Variants in ARHGAP24 observed in about 807,000 individuals in gnomAD.
ARHGAP24 encodes the protein rho GTPase-activating protein 24.
In ARHGAP24, 50 loss-of-function variants were observed where a neutral mutation model predicts 76.4. The ratio of observed to expected loss-of-function variants is 0.65; its 90% CI spans 0.52 to 0.83. The LOEUF (loss-of-function observed/expected upper bound fraction) is 0.83, where lower values mean the gene tolerates loss of function less well. Ranked by LOEUF, ARHGAP24 falls within the 40% of genes least tolerant of loss-of-function variation. The pLI is 0.00. For missense variants in ARHGAP24, 930 were observed against 914.2 expected (o/e 1.02, Z -0.22); for synonymous variants, 345 against 323.3 (o/e 1.07, Z -0.72).
At chr4:85,962,545 A>G (rs1048922845) in intron 5 of ARHGAP24, among the ~76,000 whole-genome samples, 2 of 151,968 alleles carry the variant, frequency 1.3e-5, no homozygotes, top group South Asian at 4.2e-4. Context: ...ATTTCTACAA[A>G]TGTGTTTTCT....
intron 2 of ARHGAP24, among the ~76,000 whole-genome samples, chr4:85,705,497 T>C (rs1159697183): frequency 6.6e-6 from 1 of 152,218 alleles, no homozygotes; most frequent in Non-Finnish European, 1.5e-5. Flanking sequence ...AGAACACCTG[T>C]AGAGATAGCA....
At chr4:85,475,614 C>T (rs966472157) in intron 1 of ARHGAP24, 55 bp downstream of exon 1, 2 of 145,670 alleles carry the variant, frequency 1.4e-5, no homozygotes, top group African/African-American at 5.1e-5. Flanking sequence ...AGGACGGACG[C>T]GGCTGCCTGC....
intron 1 of ARHGAP24, among the ~76,000 whole-genome samples, chr4:85,537,999 C>A (rs1409893777): frequency 6.6e-6 from 1 of 151,208 alleles, no homozygotes; most frequent in Admixed American, 6.6e-5. Context: ...AAGATGTACA[C>A]TTAGTGAACA....
intron 5 of ARHGAP24, among the ~76,000 whole-genome samples, chr4:85,971,471 A>G (rs1413845618): frequency 6.6e-6 from 1 of 152,048 alleles, no homozygotes; most frequent in African/African-American, 2.4e-5. Flanking sequence ...AGGGTTCTTT[A>G]ATTTTTTTTA....
chr4:85,504,621 A>G (rs1214486318), intron 1 of ARHGAP24, among the ~76,000 whole-genome samples: 3 of 152,156 alleles, frequency 2.0e-5, no homozygotes, highest in African/African-American at 7.2e-5. Flanking sequence ...GTCTCTGCAC[A>G]TGAGACGGGT....
chr4:85,680,791 TA>T (rs1228657666), intron 2 of ARHGAP24, among the ~76,000 whole-genome samples: 2 of 148,554 alleles, frequency 1.3e-5, no homozygotes, highest in Non-Finnish European at 3.0e-5. Context: ...ATATTATAAT[TA>T]TAATTATAAT....
intron 2 of ARHGAP24, among the ~76,000 whole-genome samples, chr4:85,600,189 G>A (rs1719987502): frequency 6.6e-6 from 1 of 152,162 alleles, no homozygotes; most frequent in Non-Finnish European, 1.5e-5. Context: ...TGGGTTATGG[G>A]CACTGAAAGG....
At chr4:85,667,091 GC>G in intron 2 of ARHGAP24, among the ~76,000 whole-genome samples, 1 of 152,156 alleles carries the variant, frequency 6.6e-6, no homozygotes, top group Non-Finnish European at 1.5e-5. Context: ...TCTGTGCCCT[GC>G]CCCCAGAGGT....
chr4:85,648,735 C>T (rs1413152539), intron 2 of ARHGAP24, among the ~76,000 whole-genome samples: 1 of 152,038 alleles, frequency 6.6e-6, no homozygotes, highest in African/African-American at 2.4e-5. Flanking sequence ...AAAAATGTCT[C>T]CGTTTGTAAA....
intron 2 of ARHGAP24, among the ~76,000 whole-genome samples, chr4:85,660,602 C>T (rs1395915650): frequency 6.6e-6 from 1 of 151,818 alleles, no homozygotes; most frequent in Non-Finnish European, 1.5e-5. Flanking sequence ...TTGAGACCAT[C>T]CTGGACAACA....
intron 1 of ARHGAP24, among the ~76,000 whole-genome samples, chr4:85,528,340 C>G (rs1560520845): frequency 6.6e-6 from 1 of 152,000 alleles, no homozygotes; most frequent in East Asian, 1.9e-4. Context: ...AATATTATTG[C>G]TTATTTTTAA....
At chr4:85,829,654 T>C (rs1478155661) in intron 3 of ARHGAP24, among the ~76,000 whole-genome samples, 3 of 152,232 alleles carry the variant, frequency 2.0e-5, no homozygotes, top group African/African-American at 4.8e-5. Context: ...TTTCATGATG[T>C]AAAATTTGGC....
At chr4:85,778,239 A>C (rs746387310) in intron 3 of ARHGAP24, among the ~76,000 whole-genome samples, 1 of 152,232 alleles carries the variant, frequency 6.6e-6, no homozygotes, top group African/African-American at 2.4e-5. Flanking sequence ...ATATACAAAG[A>C]AATTGGAGAT....
At chr4:85,827,397 AT>A (rs1230804953) in intron 3 of ARHGAP24, among the ~76,000 whole-genome samples, 37 of 151,822 alleles carry the variant, frequency 2.4e-4, no homozygotes, top group Admixed American at 2.4e-3. Flanking sequence ...CCTGAAAAAA[AT>A]AAACAACTTT....
chr4:85,958,994 C>A (rs935635261), intron 5 of ARHGAP24, among the ~76,000 whole-genome samples: 39 of 152,116 alleles, frequency 2.6e-4, no homozygotes, highest in Admixed American at 2.6e-3. Flanking sequence ...CCAGAGGGTT[C>A]TTGGATCTCC....
In ARHGAP24 at chr4:85,942,116, G is replaced by A; in HGVS notation, c.442G>A (p.Gly148Arg). The change falls in exon 5 of 10, where the codon GGG becomes AGG. Residue 148 changes from glycine (G) to arginine (R), a missense_variant. By Grantham distance (125) the Gly-to-Arg change is moderately radical. Transcript: ENST00000395184. The stretch of plus-strand genomic sequence containing the variant: ...TACTGTTCGTTATGAGAAGAGATAT[G>A]GGAACCGTCTGGCTCCGATGTTGGT... ...EDTVRYEKRY[G>R]NRLAPMLVEQ... 6.2e-7 allele frequency: 1 copy of A among 1,613,940 alleles called. No individual in the cohort carries two copies. Among genetic ancestry groups the A allele is most frequent in the Non-Finnish European group, 8.5e-7 (1 of 1,179,986 alleles).
chr4:85,730,954 G>A (rs1166257834), intron 3 of ARHGAP24, among the ~76,000 whole-genome samples: 8 of 144,114 alleles, frequency 5.6e-5, no homozygotes, highest in African/African-American at 1.8e-4. Flanking sequence ...TATATGTCAG[G>A]CATTATATAC....
intron 3 of ARHGAP24, among the ~76,000 whole-genome samples, chr4:85,786,486 A>G (rs944522989): frequency 1.3e-5 from 2 of 152,216 alleles, no homozygotes; most frequent in Non-Finnish European, 1.5e-5. Flanking sequence ...TACATAACAA[A>G]TAAAATAATA....
At chr4:85,905,706 T>G (rs755883853) in intron 3 of ARHGAP24, among the ~76,000 whole-genome samples, 2 of 152,186 alleles carry the variant, frequency 1.3e-5, no homozygotes. Context: ...TACTCCTAAA[T>G]GCATGTGAAG....
Sources: allele counts gnomAD v4.1 joint callset (sites outside exome capture counted in the v4.1 genomes callset), GRCh38; gene constraint gnomAD v4.1.1; transcripts MANE v1.5; gene names NCBI Gene and HGNC (gene_info 2026-07-23, HGNC 2026-07-21).